Variants in ECHDC1 observed in about 807,000 individuals in gnomAD.
ECHDC1 encodes ethylmalonyl-CoA decarboxylase 1, also known as ethylmalonyl-CoA decarboxylase.
A neutral mutation model predicts 29.7 loss-of-function variants in ECHDC1; 29 were observed. The ratio of observed to expected loss-of-function variants is 0.98; its 90% CI spans 0.73 to 1.33. The LOEUF (loss-of-function observed/expected upper bound fraction) is 1.33, where lower values mean the gene tolerates loss of function less well. Among genes scored for constraint, ECHDC1 ranks in the 40% most tolerant of loss-of-function variants. The probability of loss-of-function intolerance (pLI) is 0.00; values close to 1 mark genes in which losing one functional copy is unlikely to be tolerated. For synonymous variants in ECHDC1, 126 were observed against 123.1 expected, an observed-to-expected ratio of 1.02 and a Z score of -0.15; for missense variants, 328 against 350.0, an observed-to-expected ratio of 0.94 and a Z score of 0.50.
In ECHDC1 at chr6:127,290,013, A is replaced by G. The variant is rs535550226; in HGVS notation, c.762T>C (p.Ile254=). 3 of 1,613,694 alleles carry G rather than the reference A, an allele frequency of 1.9e-6. No homozygotes were observed. Among genetic ancestry groups the G allele is most frequent in the Middle Eastern group, 1.6e-4 (1 of 6,062 alleles). ...AACAAACAGATTTTTTCAAAGCTCTAATTACTTCCGGTGGCCCTTGGATGA... is the reference window on the plus strand; with the variant it reads ...AACAAACAGATTTTTTCAAAGCTCTGATTACTTCCGGTGGCCCTTGGATGA... The part of the protein sequence containing the change: ...KQFIQGPPEV[I]RALKKSVCSG... The change falls in exon 6 of 6, where the codon ATT becomes ATC. Residue 254 remains isoleucine, a synonymous_variant. Coordinates refer to ENST00000454859, the MANE Select transcript of ECHDC1 (RefSeq NM_001002030.2).
At chr6:127,303,080 T>A (rs1283541537) in intron 5 of ECHDC1, among the ~76,000 whole-genome samples, 2 of 152,298 alleles carry the variant, frequency 1.3e-5, no homozygotes, top group Non-Finnish European at 1.5e-5. Context: ...TGTGTGAGCA[T>A]GAAGTGACAT....
intron 5 of ECHDC1, among the ~76,000 whole-genome samples, chr6:127,306,798 G>A (rs1781477684): frequency 6.6e-6 from 1 of 152,136 alleles, no homozygotes; most frequent in African/African-American, 2.4e-5. Context: ...AGAAACATCA[G>A]ACTTAATCTG....
chr6:127,290,765 A>G (rs1007856275), intron 5 of ECHDC1, among the ~76,000 whole-genome samples: 1 of 152,118 alleles, frequency 6.6e-6, no homozygotes, highest in Non-Finnish European at 1.5e-5. Context: ...CTGAGACTAC[A>G]GGAATGACCA....
intron 5 of ECHDC1, among the ~76,000 whole-genome samples, chr6:127,296,981 T>A (rs148594359): frequency 6.6e-6 from 1 of 151,744 alleles, no homozygotes; most frequent in Non-Finnish European, 1.5e-5. Context: ...CACCCCAGCC[T>A]GGGTGAGACA....
chr6:127,312,365 A>G (rs1782011780), intron 5 of ECHDC1, among the ~76,000 whole-genome samples: 1 of 152,218 alleles, frequency 6.6e-6, no homozygotes, highest in South Asian at 2.1e-4. Context: ...TGAAATCACA[A>G]TGAGCTCTCA....
intron 5 of ECHDC1, among the ~76,000 whole-genome samples, chr6:127,301,667 C>T (rs937025962): frequency 6.6e-6 from 1 of 152,188 alleles, no homozygotes; most frequent in Admixed American, 6.5e-5. Flanking sequence ...ATGCAATCCT[C>T]TCTATTAGCC....
chr6:127,324,073 A>G (rs1783081664), intron 3 of ECHDC1, among the ~76,000 whole-genome samples: 1 of 152,150 alleles, frequency 6.6e-6, no homozygotes, highest in African/African-American at 2.4e-5. Context: ...CTGATTTTTA[A>G]TGATGACCAC....
chr6:127,315,706 A>C (rs1223743550), intron 4 of ECHDC1: 4 of 304,180 alleles, frequency 1.3e-5, no homozygotes, highest in African/African-American at 8.9e-5. Flanking sequence ...GGAGGTGAAT[A>C]GGGTTTAAAC....
rs147639278 is a variant in ECHDC1 at position 127,330,936 on chromosome 6, T to C, written c.93A>G (p.Gly31=). The C allele has an allele frequency of 2.1e-5, 34 of 1,614,140 alleles. No individual in the cohort carries two copies. The African/African-American group carries it at 4.1e-4, about 20-fold the overall frequency. Residue 31 remains glycine (G), a synonymous_variant, in exon 2 of 6, where the codon GGA becomes GGG. Coordinates refer to ENST00000454859, the MANE Select transcript of ECHDC1 (RefSeq NM_001002030.2). The part of the protein sequence containing the change: ...TGLSLYSTSH[G]FYEEEVKKTL... ...TTTTTTTCACTTCTTCCTCATAAAA[T>C]CCATGGGATGTACTATAAAGTGACA... is the stretch of plus-strand genomic sequence containing the variant.
At chr6:127,319,764 G>A (rs1782688349) in intron 3 of ECHDC1, among the ~76,000 whole-genome samples, 1 of 152,178 alleles carries the variant, frequency 6.6e-6, no homozygotes, top group Admixed American at 6.5e-5. Flanking sequence ...ATATTTTCAT[G>A]CTATCTGGAT....
chr6:127,288,996 AGT>A lies in ECHDC1; in HGVS notation c.*871_*872del, dbSNP rs1372753857. On this transcript the variant is annotated 3_prime_UTR_variant, in exon 6 of 6. Transcript: ENST00000454859. ...TCTTTGACTTTCACATTTTTTAAAA[AGT>A]GTATTGCTGGGATCATAAACATTTT... is the stretch of plus-strand genomic sequence containing the variant. 1.3e-5 allele frequency: 2 copies of A among 152,066 alleles called. No homozygotes were observed. The highest frequency in any genetic ancestry group is 4.8e-5 in the African/African-American group (2 of 41,420). The allele number at this position is 152,066 out of a possible 1,614,324, so 9.4% of individuals were successfully genotyped here.
intron 1 of ECHDC1, among the ~76,000 whole-genome samples, chr6:127,339,291 T>C (rs1313946411): frequency 1.3e-5 from 2 of 149,048 alleles, no homozygotes; most frequent in East Asian, 1.9e-4. Context: ...ACATACGAGA[T>C]AAGCTGTAGC....
At chr6:127,290,850 A>G (rs182338835) in intron 5 of ECHDC1, among the ~76,000 whole-genome samples, 1 of 152,216 alleles carries the variant, frequency 6.6e-6, no homozygotes, top group African/African-American at 2.4e-5. Flanking sequence ...GTCAGTGGCA[A>G]TGAGTGCTTT....
intron 1 of ECHDC1, among the ~76,000 whole-genome samples, chr6:127,341,120 T>C (rs1784904933): frequency 1.3e-5 from 2 of 152,208 alleles, no homozygotes; most frequent in Admixed American, 6.5e-5. Context: ...CCTTTCTCTA[T>C]TAATTCCATA....
chr6:127,334,631 T>C (rs1387582582), intron 1 of ECHDC1, among the ~76,000 whole-genome samples: 1 of 152,156 alleles, frequency 6.6e-6, no homozygotes, highest in Non-Finnish European at 1.5e-5. Flanking sequence ...CTGATATCTC[T>C]ACACAATCAA....
At chr6:127,295,462 T>C (rs2114557256) in intron 5 of ECHDC1, among the ~76,000 whole-genome samples, 1 of 152,152 alleles carries the variant, frequency 6.6e-6, no homozygotes, top group South Asian at 2.1e-4. Context: ...CAGCTCAATA[T>C]CCCAAAGGAG....
chr6:127,301,505 AAGC>A (rs757939487), intron 5 of ECHDC1, among the ~76,000 whole-genome samples: 6 of 152,230 alleles, frequency 3.9e-5, no homozygotes, highest in Non-Finnish European at 5.9e-5. Flanking sequence ...TTTTTAGAAC[AAGC>A]AGACATTCTT....
At chr6:127,322,645 T>C (rs549478871) in intron 3 of ECHDC1, among the ~76,000 whole-genome samples, 8 of 110,506 alleles carry the variant, frequency 7.2e-5, no homozygotes, top group Non-Finnish European at 1.6e-4. Flanking sequence ...TATATATGTG[T>C]GTATATATAT....
chr6:127,324,852 C>T (rs1783171397), intron 3 of ECHDC1, among the ~76,000 whole-genome samples: 1 of 152,040 alleles, frequency 6.6e-6, no homozygotes, highest in Non-Finnish European at 1.5e-5. Context: ...ATATAAATAA[C>T]TGAATAAATA....
Sources: allele counts gnomAD v4.1 joint callset (sites outside exome capture counted in the v4.1 genomes callset), GRCh38; gene constraint gnomAD v4.1.1; transcripts MANE v1.5; gene names NCBI Gene and HGNC (gene_info 2026-07-23, HGNC 2026-07-21).